Variants in SORCS1 observed in about 807,000 individuals in gnomAD.
The protein encoded by SORCS1 is sortilin related VPS10 domain containing receptor 1, also known as VPS10 domain-containing receptor SorCS1.
In SORCS1, 60 loss-of-function variants were observed where a neutral mutation model predicts 146.1. The observed-to-expected ratio is 0.41, with a 90% CI of 0.33 to 0.51. The LOEUF (loss-of-function observed/expected upper bound fraction) is 0.51, where lower values mean the gene tolerates loss of function less well. Among genes scored for constraint, SORCS1 ranks in the 20% least tolerant of loss-of-function variants. The pLI, the probability that SORCS1 is intolerant of heterozygous loss-of-function variation, is 0.21. For missense variants in SORCS1, 1,352 were observed against 1,487.6 expected (o/e 0.91, Z 1.50); for synonymous variants, 637 against 584.0 (o/e 1.09, Z -1.31).
chr10:106,896,428 C>CAA (rs781084783), intron 2 of SORCS1, among the ~76,000 whole-genome samples: 15 of 57,102 alleles, frequency 2.6e-4, no homozygotes, highest in Admixed American at 7.7e-4. Context: ...GACTTTGTCT[C>CAA]AAAAAAAAAA....
intron 24 of SORCS1, among the ~76,000 whole-genome samples, chr10:106,588,366 C>A (rs1285227951): frequency 6.6e-6 from 1 of 152,170 alleles, no homozygotes; most frequent in African/African-American, 2.4e-5. Flanking sequence ...TACTTAATAT[C>A]ACAGGCTCTC....
intron 1 of SORCS1, among the ~76,000 whole-genome samples, chr10:107,068,869 C>CA (rs397763642): frequency 0.62 from 75,814 of 122,320 alleles, 22,014 homozygotes; most frequent in East Asian, 0.78. Flanking sequence ...GACTCCGTCT[C>CA]AAAAAAAAAA....
upstream of SORCS1, among the ~76,000 whole-genome samples, chr10:107,165,882 C>G (rs541885189): frequency 1.1e-4 from 17 of 152,324 alleles, no homozygotes; most frequent in African/African-American, 3.8e-4. This position sits in a 1 kb window ranked among gnomAD's most constrained non-coding sequence, Gnocchi z 4.0. Context: ...ATCCCTTCCG[C>G]TCCTAAAATT....
chr10:106,792,191 C>T (rs1289865567), intron 3 of SORCS1, among the ~76,000 whole-genome samples: 7 of 152,206 alleles, frequency 4.6e-5, no homozygotes, highest in Non-Finnish European at 1.0e-4. Context: ...GTGCGTATTT[C>T]AAGCTCGAAG....
At chr10:107,011,694 G>C (rs918565878) in intron 1 of SORCS1, among the ~76,000 whole-genome samples, 7 of 152,190 alleles carry the variant, frequency 4.6e-5, no homozygotes. Flanking sequence ...AGAACAGACA[G>C]AATGTTTCAC....
rs72821172 is a variant in SORCS1 at position 106,638,586 on chromosome 10, A to G, written c.2476-9198T>C. ...CTGGAATCACTATACTATTTTTAGC[A>G]TTATGCAGTCAATATGTTTAAATAG... On this transcript the variant is annotated intron_variant, in intron 18 of 25. Transcript: ENST00000263054. Among the ~76,000 whole-genome samples the G allele has an allele frequency of 6.4e-3, 970 of 152,312 alleles. 5 individuals are homozygous for G. The highest frequency in any genetic ancestry group is 0.012 in the Non-Finnish European group (789 of 68,028).
At chr10:106,750,097 G>C (rs1366904941) in intron 5 of SORCS1, among the ~76,000 whole-genome samples, 1 of 152,180 alleles carries the variant, frequency 6.6e-6, no homozygotes, top group South Asian at 2.1e-4. Flanking sequence ...GCTAAGTGAG[G>C]TGTGATCACT....
rs72821193 is a variant in SORCS1, at chr10:106,726,187, T to C, written c.1024+3863A>G. 4.4e-3 allele frequency among the ~76,000 whole-genome samples: 205 copies of C among 46,432 alleles called. 4 individuals are homozygous for C. Among genetic ancestry groups the C allele is most frequent in the Non-Finnish European group, 5.0e-3 (102 of 20,482 alleles). The allele number at this position is 46,432 out of a possible 152,430, so 30.5% of individuals were successfully genotyped here. A position where few individuals can be genotyped will look rare whatever the true frequency, so the allele number is the denominator to read the frequency against. On this transcript the variant is annotated intron_variant, in intron 6 of 25. Coordinates refer to ENST00000263054, the MANE Select transcript of SORCS1 (RefSeq NM_052918.5). The stretch of plus-strand genomic sequence containing the variant: ...ATTGAGACAATCTCTTTCCCTCTCT[T>C]TTTTTTTTTTTTTTTTTTTTACACT...
chr10:106,579,270 C>T, intron 25 of SORCS1, 99 bp downstream of exon 25: 3 of 1,614,060 alleles, frequency 1.9e-6, no homozygotes, highest in Non-Finnish European at 1.7e-6. Flanking sequence ...TTAATAGAAA[C>T]CATCACTGCT....
At chr10:106,751,741 G>A (rs746678623) in intron 5 of SORCS1, among the ~76,000 whole-genome samples, 15 of 152,280 alleles carry the variant, frequency 9.9e-5, no homozygotes, top group African/African-American at 3.6e-4. Context: ...TTTAACTAAT[G>A]AGGTCTACTC....
chr10:106,969,036 A>G (rs1490392197), intron 1 of SORCS1, among the ~76,000 whole-genome samples: 1 of 152,210 alleles, frequency 6.6e-6, no homozygotes, highest in Non-Finnish European at 1.5e-5. Context: ...TCAAAACTTA[A>G]AAAAAATCTG....
chr10:106,976,124 C>T (rs1297889457), intron 1 of SORCS1, among the ~76,000 whole-genome samples: 18 of 133,590 alleles, frequency 1.3e-4, no homozygotes, highest in African/African-American at 2.2e-4. Context: ...CCAGCCTGGA[C>T]TCTGTCTCAA....
At chr10:106,790,463 G>A (rs1483955614) in intron 3 of SORCS1, among the ~76,000 whole-genome samples, 4 of 152,172 alleles carry the variant, frequency 2.6e-5, no homozygotes, top group Non-Finnish European at 5.9e-5. Context: ...TCGTGTGTAA[G>A]AAAACAGGAA....
chr10:106,845,622 A>C (rs189265208), intron 2 of SORCS1, among the ~76,000 whole-genome samples: 3,430 of 37,842 alleles, frequency 0.091, 140 homozygotes, highest in Non-Finnish European at 0.14. Context: ...TTTGGTTGCC[A>C]TTGCTTTTGG....
In SORCS1 at chr10:107,034,680, C is replaced by CAAAAAAAAAAAAAAAAAAAAA. The variant is rs553032484; in HGVS notation, c.559-78121_559-78101dup. The stretch of plus-strand genomic sequence containing the variant: ...GGGAAACATGAGCGAAACTCCATCT[C>CAAAAAAAAAAAAAAAAAAAAA]AAAAAAAAAAAAAAAAAAAAAAAAA... On this transcript the variant is annotated intron_variant, in intron 1 of 25. Coordinates refer to ENST00000263054, the MANE Select transcript of SORCS1 (RefSeq NM_052918.5). 1.5e-3 allele frequency among the ~76,000 whole-genome samples: 21 copies of CAAAAAAAAAAAAAAAAAAAAA among 13,794 alleles called. 2 individuals are homozygous for CAAAAAAAAAAAAAAAAAAAAA. The highest frequency in any genetic ancestry group is 5.3e-3 in the Admixed American group (3 of 564). 9.0% of individuals were successfully genotyped at this position (13,794 alleles called of 152,430 possible).
chr10:107,068,527 G>T (rs1962122438), intron 1 of SORCS1, among the ~76,000 whole-genome samples: 1 of 152,120 alleles, frequency 6.6e-6, no homozygotes, highest in Non-Finnish European at 1.5e-5. Context: ...TCAGGCATAA[G>T]TCGGCCTGAC....
chr10:106,594,415 T>C (rs1845789291), intron 24 of SORCS1, among the ~76,000 whole-genome samples: 2 of 152,332 alleles, frequency 1.3e-5, no homozygotes, highest in Middle Eastern at 3.4e-3. Flanking sequence ...AATTAACATA[T>C]CCATCATTTC....
At chr10:107,144,567 C>T (rs1057010832) in intron 1 of SORCS1, among the ~76,000 whole-genome samples, 1 of 152,204 alleles carries the variant, frequency 6.6e-6, no homozygotes, top group African/African-American at 2.4e-5. Flanking sequence ...GGAACACCAC[C>T]TGGGTTTAAA....
chr10:106,684,767 T>G (rs1194462949), intron 10 of SORCS1, among the ~76,000 whole-genome samples: 1 of 152,212 alleles, frequency 6.6e-6, no homozygotes, highest in Non-Finnish European at 1.5e-5. Context: ...ACTGTCACTT[T>G]CCAAGTACTC....
Sources: allele counts gnomAD v4.1 joint callset (sites outside exome capture counted in the v4.1 genomes callset), GRCh38; gene constraint gnomAD v4.1.1; non-coding constraint Gnocchi (gnomAD v3.1); transcripts MANE v1.5; gene names NCBI Gene and HGNC (gene_info 2026-07-23, HGNC 2026-07-21).